Variants in FCER2 observed in about 807,000 individuals in gnomAD.
FCER2 encodes Fc epsilon receptor II, also known as low affinity immunoglobulin epsilon Fc receptor.
In FCER2, 38 loss-of-function variants were observed where a neutral mutation model predicts 49.7. That is an observed-to-expected ratio of 0.76 (90% CI 0.59 to 1.00). FCER2 has a LOEUF of 1.00. Among genes scored for constraint, FCER2 ranks in the 50% least tolerant of loss-of-function variants. The probability of loss-of-function intolerance (pLI) is 0.00; values close to 1 mark genes in which losing one functional copy is unlikely to be tolerated. For synonymous variants in FCER2, 163 were observed against 164.6 expected (o/e 0.99, Z 0.07); for missense variants, 425 against 419.5 (o/e 1.01, Z -0.11).
intron 8 of FCER2, among the ~76,000 whole-genome samples, chr19:7,693,666 T>C (rs1012038325): frequency 2.6e-5 from 4 of 152,102 alleles, no homozygotes; most frequent in Non-Finnish European, 5.9e-5. Context: ...TGTTTTGTTT[T>C]GAGACAGAGT....
chr19:7,695,545 G>A (rs1028241969), intron 8 of FCER2, among the ~76,000 whole-genome samples: 1 of 152,168 alleles, frequency 6.6e-6, no homozygotes, highest in Non-Finnish European at 1.5e-5. Flanking sequence ...GGAGGCCGAG[G>A]CGAGAGGATT....
At chr19:7,699,633 C>T (rs757927123) in intron 2 of FCER2, 106 bp downstream of exon 2, 23 of 1,312,564 alleles carry the variant, frequency 1.8e-5, no homozygotes, top group Non-Finnish European at 2.5e-5. Flanking sequence ...AGAAATTCAC[C>T]CTCTTTCCCA....
chr19:7,696,347 C>T (rs991860739), intron 8 of FCER2, among the ~76,000 whole-genome samples: 7 of 152,004 alleles, frequency 4.6e-5, no homozygotes, highest in South Asian at 2.1e-4. Context: ...ATAATCTATC[C>T]GCCTCGACCT....
intron 3 of FCER2, 140 bp downstream of exon 3, chr19:7,698,601 G>T: frequency 8.5e-7 from 1 of 1,178,558 alleles, no homozygotes; most frequent in Non-Finnish European, 1.2e-6. Context: ...GCTGGCAGTG[G>T]CAAGATGGGA....
intron 8 of FCER2, among the ~76,000 whole-genome samples, chr19:7,693,170 G>A (rs577888018): frequency 1.3e-4 from 20 of 152,200 alleles, no homozygotes; most frequent in Non-Finnish European, 2.5e-4. Context: ...GTCCACCAGC[G>A]ATTACTTTCC....
At chr19:7,699,303 C>T in intron 2 of FCER2, 1 of 933,412 alleles carries the variant, frequency 1.1e-6, no homozygotes. Context: ...ATCCAGACCT[C>T]CAAACCTCTC....
chr19:7,695,951 G>T (rs1476428264), intron 8 of FCER2, among the ~76,000 whole-genome samples: 2 of 125,728 alleles, frequency 1.6e-5, no homozygotes, highest in Non-Finnish European at 3.2e-5. Context: ...TTTTGAGACA[G>T]AGTCTCGCTC....
chr19:7,699,875 G>A (rs369245042), intron 1 of FCER2, 30 bp from the exon 2 acceptor site: 6 of 1,028,944 alleles, frequency 5.8e-6, no homozygotes, highest in Non-Finnish European at 1.5e-6. Flanking sequence ...TGGTTAGGGT[G>A]AGCCATCAAA....
At position 7,688,913 on chromosome 19, in the gene FCER2, A is replaced by C. The variant is rs1466276772; in HGVS notation, c.*280T>G. 2.2e-6 allele frequency: 1 copy of C among 456,666 alleles called. No homozygotes were observed. The highest frequency in any genetic ancestry group is 4.0e-6 in the Non-Finnish European group (1 of 250,774). 28.3% of individuals were successfully genotyped at this position (456,666 alleles called of 1,614,324 possible). A position where few individuals can be genotyped will look rare whatever the true frequency, so the allele number is the denominator to read the frequency against. On this transcript the variant is annotated 3_prime_UTR_variant, in exon 11 of 11. Transcript: ENST00000597921. The stretch of plus-strand genomic sequence containing the variant: ...GAGGGTGCTGTTGGGGTGTACTCTC[A>C]TCTGGAGAGGGTGCTGTTGGGGTGT...
In FCER2 at chr19:7,689,418, T is replaced by C. The variant is rs933735344; in HGVS notation, c.741A>G (p.Pro247=). ...CCTGGCTCCGGCTGGTGGGCTCCCC[T>C]GGAGCCCAGTTGCTGGAGCAAAAGG... ...GSHVDYSNWA[P]GEPTSRSQGE... Residue 247 remains proline (P), a synonymous_variant, in exon 11 of 11, where the codon CCA becomes CCG. Coordinates refer to ENST00000597921, the MANE Select transcript of FCER2 (RefSeq NM_001220500.2). 1 of 1,580,492 alleles carries C rather than the reference T, an allele frequency of 6.3e-7. No homozygotes were observed. Among genetic ancestry groups the C allele is most frequent in the Non-Finnish European group, 8.6e-7 (1 of 1,160,880 alleles).
chr19:7,695,953 G>C (rs964285073), intron 8 of FCER2, among the ~76,000 whole-genome samples: 1 of 129,168 alleles, frequency 7.7e-6, no homozygotes, highest in East Asian at 2.3e-4. Context: ...TTGAGACAGA[G>C]TCTCGCTCTG....
intron 10 of FCER2, among the ~76,000 whole-genome samples, chr19:7,689,819 A>G (rs111740138): frequency 0.39 from 59,583 of 151,510 alleles, 14,254 homozygotes; most frequent in African/African-American, 0.68. Flanking sequence ...GGGTTTCGCC[A>G]TGTTGACCAG....
intron 1 of FCER2, 85 bp from the exon 2 acceptor site, chr19:7,699,930 CAG>C (rs756015007): frequency 1.0e-4 from 69 of 667,910 alleles, no homozygotes; most frequent in Non-Finnish European, 1.8e-4. Context: ...TGGTGGCACT[CAG>C]GGGCCATTTG....
At chr19:7,694,925 C>T (rs1460235831) in intron 8 of FCER2, among the ~76,000 whole-genome samples, 1 of 152,136 alleles carries the variant, frequency 6.6e-6, no homozygotes. Flanking sequence ...GCCTCAAACT[C>T]CTGGGCTCAG....
At chr19:7,694,067 C>A (rs958585023) in intron 8 of FCER2, among the ~76,000 whole-genome samples, 6 of 152,106 alleles carry the variant, frequency 3.9e-5, no homozygotes, top group Non-Finnish European at 8.8e-5. Context: ...GCTGGGATTA[C>A]AGGCGTGAGC....
intron 8 of FCER2, among the ~76,000 whole-genome samples, chr19:7,694,430 C>T (rs574549507): frequency 6.6e-6 from 1 of 152,226 alleles, no homozygotes; most frequent in East Asian, 1.9e-4. Flanking sequence ...ATTTCTGAGC[C>T]CTCAAAGAAA....
At chr19:7,690,085 C>T (rs4996975) in intron 10 of FCER2, 74 bp downstream of exon 10, 256,614 of 898,800 alleles carry the variant, frequency 0.29, 44,905 homozygotes, top group African/African-American at 0.59. Context: ...CTTTCCGATG[C>T]AGTTTATCTA....
Position 7,697,258 on chromosome 19 carries a change from T to G in FCER2, c.294A>C (p.Glu98Asp). ...ISQELEELRA[E>D]QQRLKSQDLE... ...CACCCTGAGATTTCAATCTCTGCTG[T>G]TCAGCTCGAAGTTCCTCCAGTTCCT... The change falls in exon 6 of 11, where the codon GAA becomes GAC. Residue 98 changes from glutamate (E) to aspartate (D), a missense_variant. By Grantham distance (45) the Glu-to-Asp change is conservative (BLOSUM62 2). Transcript: ENST00000597921. 4 of 1,614,180 alleles carry G rather than the reference T, an allele frequency of 2.5e-6. No individual in the cohort carries two copies. The highest frequency in any genetic ancestry group is 3.4e-6 in the Non-Finnish European group (4 of 1,180,026).
chr19:7,695,880 G>T (rs1012130799), intron 8 of FCER2, among the ~76,000 whole-genome samples: 4 of 150,074 alleles, frequency 2.7e-5, no homozygotes, highest in Non-Finnish European at 5.9e-5. Flanking sequence ...TTGCACCACT[G>T]CATTTCAGCC....
Sources: allele counts gnomAD v4.1 joint callset (sites outside exome capture counted in the v4.1 genomes callset), GRCh38; gene constraint gnomAD v4.1.1; transcripts MANE v1.5; gene names NCBI Gene and HGNC (gene_info 2026-07-23, HGNC 2026-07-21).